Variants in PRKCE observed in about 807,000 individuals in gnomAD.
PRKCE encodes protein kinase C epsilon, also known as protein kinase C epsilon type.
Under a neutral mutation model 85.4 loss-of-function variants are expected in PRKCE, and 16 were observed. The observed-to-expected ratio is 0.19, with a 90% confidence interval of 0.13 to 0.28. PRKCE has a LOEUF of 0.28. Ranked by LOEUF, PRKCE falls within the 10% of genes least tolerant of loss-of-function variation. The pLI is 1.00. For missense variants in PRKCE, 573 were observed against 975.2 expected, an observed-to-expected ratio of 0.59 and a Z score of 5.49; for synonymous variants, 388 against 371.5, an observed-to-expected ratio of 1.04 and a Z score of -0.51.
At chr2:46,006,243 T>G (rs1574200326) in intron 8 of PRKCE, among the ~76,000 whole-genome samples, 1 of 152,262 alleles carries the variant, frequency 6.6e-6, no homozygotes. Flanking sequence ...CAAGCTTTGC[T>G]GTCCCCAAAC....
At chr2:46,101,718 A>G (rs1198346114) in intron 11 of PRKCE, among the ~76,000 whole-genome samples, 1 of 152,188 alleles carries the variant, frequency 6.6e-6, no homozygotes, top group African/African-American at 2.4e-5. Context: ...TTAGTCCTCC[A>G]ATTCGCTGTT....
At chr2:45,961,995 G>A (rs901525121) in intron 2 of PRKCE, among the ~76,000 whole-genome samples, 15 of 152,218 alleles carry the variant, frequency 9.9e-5, no homozygotes, top group African/African-American at 3.6e-4. Flanking sequence ...GCGCCCGGCT[G>A]CCAGGGATTC....
intron 6 of PRKCE, among the ~76,000 whole-genome samples, chr2:45,999,787 T>C (rs1174553649): frequency 6.6e-6 from 1 of 152,198 alleles, no homozygotes; most frequent in East Asian, 1.9e-4. Flanking sequence ...CCTTGGATAT[T>C]TTTTCCAGTC....
intron 1 of PRKCE, among the ~76,000 whole-genome samples, chr2:45,730,016 T>A (rs1161087803): frequency 6.6e-6 from 1 of 152,178 alleles, no homozygotes; most frequent in Non-Finnish European, 1.5e-5. Flanking sequence ...CAAGAATGGA[T>A]GTTTTGAGTC....
rs941648686 is a variant in PRKCE, at chr2:45,879,687, G to A, written c.412+36624G>A. On this transcript the variant is annotated intron_variant, in intron 2 of 14. Transcript: ENST00000306156. Reference sequence around the variant, plus strand: ...CTCACCTGCCTGCTCCCCCTCCCACGAGGAGTTGAGAGCTGTGGGCTGAGT... The same window carrying A: ...CTCACCTGCCTGCTCCCCCTCCCACAAGGAGTTGAGAGCTGTGGGCTGAGT... Among the ~76,000 whole-genome samples, 3 of 152,206 alleles carry A rather than the reference G, an allele frequency of 2.0e-5. No individual in the cohort carries two copies. The East Asian group carries it at 5.8e-4, about 29-fold the overall frequency.
rs548345214 is a variant in PRKCE at position 45,682,648 on chromosome 2, G to A, written c.348+30200G>A. Reference sequence around the variant, plus strand: ...GTTGCCCAGGCTGGAGTGCAATGGCGCGATCTCCACTCACTGTAACCTCCA... The same window carrying A: ...GTTGCCCAGGCTGGAGTGCAATGGCACGATCTCCACTCACTGTAACCTCCA... On this transcript the variant is annotated intron_variant, in intron 1 of 14. Transcript: ENST00000306156. Among the ~76,000 whole-genome samples, 6 of 152,140 alleles carry A rather than the reference G, an allele frequency of 3.9e-5. No homozygotes were observed. The South Asian group carries it at 8.3e-4, about 21-fold the overall frequency.
At chr2:45,674,143 C>G (rs529014809) in intron 1 of PRKCE, among the ~76,000 whole-genome samples, 1 of 152,138 alleles carries the variant, frequency 6.6e-6, no homozygotes, top group African/African-American at 2.4e-5. Context: ...GGTTGACTTG[C>G]GGCGAAAATG....
chr2:46,165,061 C>A (rs564947897), intron 14 of PRKCE, among the ~76,000 whole-genome samples: 2 of 152,200 alleles, frequency 1.3e-5, no homozygotes, highest in African/African-American at 4.8e-5. Context: ...TCTGCTCCCC[C>A]GGCTCCTAAG....
At position 45,984,639 on chromosome 2, in the gene PRKCE, C is replaced by A. The variant is rs1329893766; in HGVS notation, c.782C>A (p.Ser261Tyr). ...CCTACCTTCTGCGATCACTGTGGGT[C>A]CCTGCTCTGGGGACTCTTGCGGCAG... ...KVPTFCDHCG[S>Y]LLWGLLRQGL... is the part of the protein sequence containing the mutation. Residue 261 changes from serine (S) to tyrosine (Y), a missense_variant, in exon 6 of 15, where the codon TCC becomes TAC. Ser to Tyr is a moderately radical substitution (Grantham distance 144). Transcript: ENST00000306156. 6.3e-7 allele frequency: 1 copy of A among 1,599,798 alleles called. No homozygotes were observed.
chr2:46,143,634 C>T (rs866222650), intron 11 of PRKCE, among the ~76,000 whole-genome samples: 1 of 152,106 alleles, frequency 6.6e-6, no homozygotes, highest in Non-Finnish European at 1.5e-5. Context: ...GGGTCCTGGC[C>T]CAGTGTTTGT....
intron 10 of PRKCE, among the ~76,000 whole-genome samples, chr2:46,079,175 C>A (rs78689575): frequency 8.0e-3 from 1,005 of 126,242 alleles, no homozygotes; most frequent in East Asian, 0.011. Context: ...GACTCTGTCT[C>A]AAAAAAAAAA....
chr2:46,115,547 G>A (rs968013652), intron 11 of PRKCE, among the ~76,000 whole-genome samples: 6 of 152,194 alleles, frequency 3.9e-5, no homozygotes, highest in African/African-American at 1.4e-4. Context: ...CAGTGGGGAA[G>A]CCTTTATCAT....
intron 1 of PRKCE, among the ~76,000 whole-genome samples, chr2:45,730,675 G>A (rs1257568858): frequency 6.6e-6 from 1 of 151,846 alleles, no homozygotes; most frequent in Non-Finnish European, 1.5e-5. Context: ...GGCCAGGCTG[G>A]TCTCAAACTC....
chr2:45,750,513 G>C (rs766168649), intron 1 of PRKCE, among the ~76,000 whole-genome samples: 27 of 152,186 alleles, frequency 1.8e-4, no homozygotes, highest in Non-Finnish European at 1.3e-4. Flanking sequence ...GGTGGGTATT[G>C]GTTTGGGATC....
At chr2:45,728,696 T>A (rs1681299495) in intron 1 of PRKCE, among the ~76,000 whole-genome samples, 1 of 152,218 alleles carries the variant, frequency 6.6e-6, no homozygotes, top group Non-Finnish European at 1.5e-5. Context: ...TTGAGGTCTG[T>A]CTTCACCAGT....
chr2:45,718,838 G>A (rs547038755), intron 1 of PRKCE, among the ~76,000 whole-genome samples: 40 of 152,270 alleles, frequency 2.6e-4, no homozygotes, highest in South Asian at 1.2e-3. Flanking sequence ...GGAGCTCCAA[G>A]GAACACTAGT....
intron 2 of PRKCE, among the ~76,000 whole-genome samples, chr2:45,875,451 C>T (rs1694402695): frequency 6.6e-6 from 1 of 152,208 alleles, no homozygotes; most frequent in South Asian, 2.1e-4. Flanking sequence ...ACATCAGAGT[C>T]CAGCTCTGGA....
chr2:46,020,579 A>G (rs1706564724), intron 10 of PRKCE, among the ~76,000 whole-genome samples: 1 of 152,230 alleles, frequency 6.6e-6, no homozygotes, highest in Non-Finnish European at 1.5e-5. Flanking sequence ...CTGTCTCAGT[A>G]ACATATTTCA....
At chr2:45,803,975 A>G (rs1341997435) in intron 1 of PRKCE, among the ~76,000 whole-genome samples, 1 of 152,146 alleles carries the variant, frequency 6.6e-6, no homozygotes, top group East Asian at 1.9e-4. Flanking sequence ...CATCCAGGAG[A>G]GGGAAATTTA....
Sources: gnomAD v4.1 joint callset for allele counts (sites outside exome capture counted in the v4.1 genomes callset) on GRCh38, gnomAD v4.1.1 for gene constraint, MANE v1.5 for transcripts, NCBI Gene and HGNC (gene_info 2026-07-23, HGNC 2026-07-21) for gene names.